GOPC: variants seen among roughly 807,000 people sequenced by gnomAD.
GOPC encodes the protein golgi associated PDZ and coiled-coil motif containing.
In GOPC, 32 loss-of-function variants were observed where a neutral mutation model predicts 51.2. That is an observed-to-expected ratio of 0.63 (90% CI 0.47 to 0.84). GOPC has a LOEUF of 0.84. Among genes scored for constraint, GOPC ranks in the 40% least tolerant of loss-of-function variants. The pLI, the probability that GOPC is intolerant of heterozygous loss-of-function variation, is 0.00. For synonymous variants in GOPC, 190 were observed against 205.1 expected, an observed-to-expected ratio of 0.93 and a Z score of 0.63; for missense variants, 441 against 555.5, an observed-to-expected ratio of 0.79 and a Z score of 2.07.
intron 5 of GOPC, among the ~76,000 whole-genome samples, chr6:117,573,068 T>G (rs1301087924): frequency 1.3e-5 from 2 of 152,206 alleles, no homozygotes; most frequent in African/African-American, 4.8e-5. Context: ...AGAATCTACA[T>G]TTGGATTCAG....
At chr6:117,582,132 C>T (rs1779966944) in intron 1 of GOPC, among the ~76,000 whole-genome samples, 1 of 151,332 alleles carries the variant, frequency 6.6e-6, no homozygotes, top group African/African-American at 2.4e-5. Flanking sequence ...TGTTTATTGA[C>T]CATTTGAATA....
At chr6:117,565,897 T>A (rs1314826836) in intron 8 of GOPC, among the ~76,000 whole-genome samples, 1 of 152,190 alleles carries the variant, frequency 6.6e-6, no homozygotes, top group East Asian at 1.9e-4. Context: ...GTACTTTCCC[T>A]TGAAACCAGC....
chr6:117,575,769 G>C (rs1779873894), intron 3 of GOPC, among the ~76,000 whole-genome samples: 1 of 152,150 alleles, frequency 6.6e-6, no homozygotes, highest in East Asian at 1.9e-4. Flanking sequence ...ATCCTGAGCA[G>C]AACTGCTTTT....
rs1779567895 is a variant in GOPC at position 117,560,699 on chromosome 6, A to C, written c.*2555T>G. On this transcript the variant is annotated 3_prime_UTR_variant, in exon 9 of 9. Transcript: ENST00000368498. ...AAAATGTTGCTTTTCCATCATATTC[A>C]TAACAGAGATACTGTAGAAGAGAAT... 5.0e-6 allele frequency: 1 copy of C among 198,676 alleles called. No individual in the cohort carries two copies. The highest frequency in any genetic ancestry group is 2.3e-5 in the African/African-American group (1 of 43,422). 12.3% of individuals were successfully genotyped at this position (198,676 alleles called of 1,614,324 possible). A position where few individuals can be genotyped will look rare whatever the true frequency, so the allele number is the denominator to read the frequency against.
chr6:117,595,243 C>T (rs996629224), intron 1 of GOPC, among the ~76,000 whole-genome samples: 1 of 152,114 alleles, frequency 6.6e-6, no homozygotes, highest in Non-Finnish European at 1.5e-5. Context: ...GGCTACTTGG[C>T]GTCAGTTAGT....
rs746401385 is a variant in GOPC, at chr6:117,569,698, C to G, written c.951G>C (p.Glu317Asp). ...KEHGVPILISEIHPGQPADRC... is the reference protein window; with the variant it reads ...KEHGVPILISDIHPGQPADRC... ...TATCAGCAGGTTGCCCCGGATGGATCTCAGAGATGAGGATTGGAACACCAT... is the reference window on the plus strand; with the variant it reads ...TATCAGCAGGTTGCCCCGGATGGATGTCAGAGATGAGGATTGGAACACCAT... The change falls in exon 7 of 9, where the codon GAG becomes GAC. Residue 317 changes from glutamate to aspartate, a missense_variant. By Grantham distance (45) the Glu-to-Asp change is conservative. This residue lies in a region of GOPC where 166 missense variants were observed against 267.0 expected (regional missense o/e 0.62). Transcript: ENST00000368498. 22 of 1,606,992 alleles carry G rather than the reference C, an allele frequency of 1.4e-5. No individual in the cohort carries two copies. Among genetic ancestry groups the G allele is most frequent in the Middle Eastern group, 1.6e-4 (1 of 6,068 alleles).
intron 1 of GOPC, among the ~76,000 whole-genome samples, chr6:117,585,829 G>A (rs903950191): frequency 6.6e-6 from 1 of 152,174 alleles, no homozygotes; most frequent in Non-Finnish European, 1.5e-5. Context: ...AGACACACCT[G>A]TAGGCATGCA....
At position 117,561,968 on chromosome 6, in the gene GOPC, TA is replaced by T. The variant is rs553988627; in HGVS notation, c.*1285del. ...AGAAATGAAGATACTGATAATATTCTAAAAGCCTTGTAGGCTTTCTCCCACT... is the reference window on the plus strand; with the variant it reads ...AGAAATGAAGATACTGATAATATTCTAAAGCCTTGTAGGCTTTCTCCCACT... On this transcript the variant is annotated 3_prime_UTR_variant, in exon 9 of 9. Coordinates refer to ENST00000368498, the MANE Select transcript of GOPC (RefSeq NM_020399.4). 9.2e-5 allele frequency: 19 copies of T among 207,538 alleles called. No homozygotes were observed. In the South Asian group the frequency reaches 3.4e-3, roughly 37 times the overall value. 12.9% of individuals were successfully genotyped at this position (207,538 alleles called of 1,614,324 possible). A position where few individuals can be genotyped will look rare whatever the true frequency, so the allele number is the denominator to read the frequency against.
chr6:117,594,605 G>A (rs369676753), intron 1 of GOPC, among the ~76,000 whole-genome samples: 5 of 152,048 alleles, frequency 3.3e-5, no homozygotes, highest in Admixed American at 2.6e-4. Flanking sequence ...AGTGCGTACT[G>A]GATCAATATT....
At chr6:117,571,742 A>T (rs377651797) in intron 5 of GOPC, among the ~76,000 whole-genome samples, 8 of 152,100 alleles carry the variant, frequency 5.3e-5, no homozygotes, top group African/African-American at 1.4e-4. Context: ...GTCACCAGTA[A>T]TCAATATTGT....
At chr6:117,576,549 G>A (rs1030099545) in intron 3 of GOPC, among the ~76,000 whole-genome samples, 4 of 152,000 alleles carry the variant, frequency 2.6e-5, no homozygotes, top group African/African-American at 9.7e-5. Context: ...TGGCTTATGG[G>A]CTAAATAAAC....
intron 1 of GOPC, among the ~76,000 whole-genome samples, chr6:117,591,389 TG>T (rs1354141284): frequency 6.6e-6 from 1 of 152,238 alleles, no homozygotes; most frequent in Non-Finnish European, 1.5e-5. Context: ...CCCTAAAACA[TG>T]GTTCTGACCT....
intron 2 of GOPC, 70 bp downstream of exon 2, chr6:117,578,830 T>C (rs1261857042): frequency 1.6e-5 from 15 of 959,838 alleles, no homozygotes; most frequent in South Asian, 1.2e-4. Flanking sequence ...AATTTAAAAG[T>C]CTCATTCAAA....
At chr6:117,572,579 A>G (rs1468504888) in intron 5 of GOPC, among the ~76,000 whole-genome samples, 1 of 152,054 alleles carries the variant, frequency 6.6e-6, no homozygotes, top group East Asian at 1.9e-4. Context: ...GCCACTACCT[A>G]AAACCCCAAC....
At chr6:117,582,143 C>A (rs773006248) in intron 1 of GOPC, among the ~76,000 whole-genome samples, 1 of 151,406 alleles carries the variant, frequency 6.6e-6, no homozygotes, top group Non-Finnish European at 1.5e-5. Context: ...CATTTGAATA[C>A]CCTCTTTTGT....
intron 5 of GOPC, 55 bp downstream of exon 5, chr6:117,573,412 T>C (rs879195265): frequency 6.4e-6 from 10 of 1,556,916 alleles, no homozygotes; most frequent in Middle Eastern, 1.8e-4. Context: ...AAAGCAACTG[T>C]GATTAAAGAA....
intron 8 of GOPC, among the ~76,000 whole-genome samples, chr6:117,564,701 T>G (rs1779658617): frequency 6.6e-6 from 1 of 152,192 alleles, no homozygotes; most frequent in Non-Finnish European, 1.5e-5. Flanking sequence ...AGAAGACTTC[T>G]AGCCTCAGTT....
chr6:117,587,812 T>A (rs1780055684), intron 1 of GOPC, among the ~76,000 whole-genome samples: 1 of 152,122 alleles, frequency 6.6e-6, no homozygotes, highest in South Asian at 2.1e-4. Context: ...CCAAGCTCCA[T>A]CAGTAGTCAT....
intron 1 of GOPC, 61 bp downstream of exon 1, chr6:117,601,943 C>A: frequency 1.3e-6 from 2 of 1,565,480 alleles, no homozygotes; most frequent in South Asian, 2.4e-5. Flanking sequence ...CGTTAAATGG[C>A]ATCTGACGCC....
Sources: gnomAD v4.1 joint callset for allele counts (sites outside exome capture counted in the v4.1 genomes callset) on GRCh38, gnomAD v4.1.1 for gene constraint, gnomAD v4.1.1 regional missense constraint, MANE v1.5 for transcripts, NCBI Gene and HGNC (gene_info 2026-07-23, HGNC 2026-07-21) for gene names.